The following GSG1L variants were observed in gnomAD, a reference collection of about 807,000 sequenced individuals.
GSG1L encodes germ cell-specific gene 1-like protein.
GSG1L carries 24 observed loss-of-function variants against 42.1 expected under a neutral mutation model. That is an observed-to-expected ratio of 0.57 (90% CI 0.41 to 0.80). The LOEUF (loss-of-function observed/expected upper bound fraction) is 0.80, where lower values mean the gene tolerates loss of function less well. GSG1L is among the 30% of genes least tolerant of loss of function. The probability of loss-of-function intolerance (pLI) is 0.00; values close to 1 mark genes in which losing one functional copy is unlikely to be tolerated. For synonymous variants in GSG1L, 215 were observed against 203.5 expected (o/e 1.06, Z -0.48); for missense variants, 445 against 472.2 (o/e 0.94, Z 0.53).
intron 1 of GSG1L, among the ~76,000 whole-genome samples, chr16:28,033,068 G>T (rs1005848169): frequency 6.6e-6 from 1 of 152,168 alleles, no homozygotes; most frequent in Non-Finnish European, 1.5e-5. Flanking sequence ...TGCACACCAG[G>T]GTCCCTCTCT....
chr16:27,940,076 T>A (rs8064033), intron 2 of GSG1L, among the ~76,000 whole-genome samples: 108,960 of 151,924 alleles, frequency 0.72, 39,308 homozygotes, highest in Non-Finnish European at 0.75. Flanking sequence ...AGAAGACATT[T>A]ATGCAGCCAA....
intron 2 of GSG1L, among the ~76,000 whole-genome samples, chr16:27,898,621 G>T (rs2084219149): frequency 6.6e-6 from 1 of 151,656 alleles, no homozygotes; most frequent in South Asian, 2.1e-4. Context: ...AAAAGGCCAA[G>T]AAGTGATCTC....
In GSG1L at chr16:27,979,729, A is replaced by AGG. The variant is rs1279137204; in HGVS notation, c.350-16527_350-16526insCC. On this transcript the variant is annotated intron_variant, in intron 1 of 6. Coordinates refer to ENST00000447459, the MANE Select transcript of GSG1L (RefSeq NM_001109763.2). ...AAGGAAGGAAGGAAGGAAGGAAGGA[A>AGG]AGAAAAAGAAAGAAAGAAAGGAAAG... is the stretch of plus-strand genomic sequence containing the variant. 7.3e-3 allele frequency among the ~76,000 whole-genome samples: 607 copies of AGG among 83,090 alleles called. 37 individuals are homozygous for AGG. Among genetic ancestry groups the AGG allele is most frequent in the African/African-American group, 0.026 (573 of 22,306 alleles). The allele number at this position is 83,090 out of a possible 152,430, so 54.5% of individuals were successfully genotyped here.
intron 3 of GSG1L, among the ~76,000 whole-genome samples, chr16:27,877,167 T>C (rs2083898641): frequency 6.6e-6 from 1 of 152,102 alleles, no homozygotes; most frequent in African/African-American, 2.4e-5. Flanking sequence ...TCTTCCCCAA[T>C]ACCTCTCGAC....
chr16:27,939,384 T>C (rs1307079559), intron 2 of GSG1L, among the ~76,000 whole-genome samples: 1 of 152,176 alleles, frequency 6.6e-6, no homozygotes, highest in African/African-American at 2.4e-5. Context: ...TGCCTCGGCT[T>C]CCCAAAGCAC....
intron 2 of GSG1L, among the ~76,000 whole-genome samples, chr16:27,896,519 T>A (rs1036727933): frequency 1.3e-5 from 2 of 152,198 alleles, no homozygotes; most frequent in Non-Finnish European, 2.9e-5. Context: ...CGTTTACCTA[T>A]GTAACAAACC....
At chr16:27,927,802 G>A (rs1221793183) in intron 2 of GSG1L, among the ~76,000 whole-genome samples, 1 of 152,108 alleles carries the variant, frequency 6.6e-6, no homozygotes, top group Non-Finnish European at 1.5e-5. Flanking sequence ...GCCACCCACT[G>A]GAGTCACCTA....
intron 3 of GSG1L, among the ~76,000 whole-genome samples, chr16:27,859,579 A>G (rs1359204533): frequency 2.0e-5 from 3 of 152,212 alleles, no homozygotes; most frequent in African/African-American, 7.2e-5. Flanking sequence ...CTTTGCTCCC[A>G]TTGGCCCTAG....
intron 5 of GSG1L, among the ~76,000 whole-genome samples, chr16:27,826,483 A>C (rs146293830): frequency 6.6e-6 from 1 of 152,264 alleles, no homozygotes; most frequent in East Asian, 1.9e-4. Context: ...CTCCCCCAGA[A>C]GTAGGCCCTG....
At chr16:27,995,605 A>G (rs1429946124) in intron 1 of GSG1L, among the ~76,000 whole-genome samples, 1 of 152,032 alleles carries the variant, frequency 6.6e-6, no homozygotes, top group Non-Finnish European at 1.5e-5. Context: ...CAAAACCACA[A>G]AGATAATTGT....
At chr16:27,976,318 G>A (rs907423532) in intron 1 of GSG1L, among the ~76,000 whole-genome samples, 7 of 152,068 alleles carry the variant, frequency 4.6e-5, no homozygotes, top group African/African-American at 9.7e-5. Context: ...TCTGCAACAC[G>A]GAGGCCACAT....
At chr16:27,945,175 G>C (rs1250232001) in intron 2 of GSG1L, among the ~76,000 whole-genome samples, 2 of 152,016 alleles carry the variant, frequency 1.3e-5, no homozygotes, top group Admixed American at 1.3e-4. Context: ...TTCCTTTTCA[G>C]GTTGATGAAA....
intron 1 of GSG1L, among the ~76,000 whole-genome samples, chr16:27,990,033 A>G (rs1427446264): frequency 6.6e-6 from 1 of 152,210 alleles, no homozygotes; most frequent in Non-Finnish European, 1.5e-5. Context: ...AGATGATACC[A>G]TTAGGCTAGT....
chr16:27,824,213 G>A (rs140022115), intron 5 of GSG1L, among the ~76,000 whole-genome samples: 2 of 152,306 alleles, frequency 1.3e-5, no homozygotes, highest in Admixed American at 1.3e-4. Context: ...TTTCAAATTT[G>A]AGCCTCCCTG....
At chr16:27,937,324 C>A (rs751389451) in intron 2 of GSG1L, among the ~76,000 whole-genome samples, 9 of 150,928 alleles carry the variant, frequency 6.0e-5, no homozygotes, top group Non-Finnish European at 8.9e-5. Context: ...TGCAACCCAA[C>A]CTCCATCTCC....
chr16:28,009,388 C>T (rs1171643719), intron 1 of GSG1L, among the ~76,000 whole-genome samples: 3 of 152,114 alleles, frequency 2.0e-5, no homozygotes, highest in Non-Finnish European at 4.4e-5. Context: ...ATGCCCTTAC[C>T]CCAGACCCTG....
chr16:27,818,227 G>A (rs2083117343), intron 5 of GSG1L, among the ~76,000 whole-genome samples: 1 of 152,190 alleles, frequency 6.6e-6, no homozygotes, highest in South Asian at 2.1e-4. Flanking sequence ...CCCTCCAGCC[G>A]GCAGATATTT....
At chr16:27,837,184 G>T (rs1301967625) in intron 4 of GSG1L, among the ~76,000 whole-genome samples, 1 of 152,154 alleles carries the variant, frequency 6.6e-6, no homozygotes, top group Non-Finnish European at 1.5e-5. Flanking sequence ...TCTTCACAAG[G>T]CCACACGGGA....
intron 1 of GSG1L, among the ~76,000 whole-genome samples, chr16:28,027,469 T>C (rs79198948): frequency 6.6e-6 from 1 of 152,128 alleles, no homozygotes; most frequent in Non-Finnish European, 1.5e-5. Flanking sequence ...AGCAGCACCA[T>C]ACAATCTGGT....
Sources: gnomAD v4.1 joint callset for allele counts (sites outside exome capture counted in the v4.1 genomes callset) on GRCh38, gnomAD v4.1.1 for gene constraint, MANE v1.5 for transcripts, NCBI Gene and HGNC (gene_info 2026-07-23, HGNC 2026-07-21) for gene names.